The following TC2N variants were observed in gnomAD, a reference collection of about 807,000 sequenced individuals.
TC2N encodes tandem C2 domains nuclear protein.
In TC2N, 51 loss-of-function variants were observed where a neutral mutation model predicts 61.9. The observed-to-expected ratio is 0.82, with a 90% CI of 0.66 to 1.04. TC2N has a LOEUF of 1.04. Among genes scored for constraint, TC2N ranks in the 50% least tolerant of loss-of-function variants. The probability of loss-of-function intolerance (pLI) is 0.00; values close to 1 mark genes in which losing one functional copy is unlikely to be tolerated. For missense variants in TC2N, 556 were observed against 566.7 expected (o/e 0.98, Z 0.19); for synonymous variants, 204 against 192.6 (o/e 1.06, Z -0.49).
chr14:91,862,046 T>A (rs1044960709), intron 1 of TC2N, among the ~76,000 whole-genome samples: 2 of 151,066 alleles, frequency 1.3e-5, no homozygotes, highest in Non-Finnish European at 3.0e-5. Context: ...TGGTCTTAAT[T>A]TAAATTATAG....
chr14:91,811,180 AAGTG>A, intron 3 of TC2N, among the ~76,000 whole-genome samples: 1 of 152,120 alleles, frequency 6.6e-6, no homozygotes, highest in South Asian at 2.1e-4. Flanking sequence ...ATATATGTTT[AAGTG>A]TTTGCAAGGA....
At chr14:91,822,056 G>A (rs923736088) in intron 1 of TC2N, among the ~76,000 whole-genome samples, 1 of 152,158 alleles carries the variant, frequency 6.6e-6, no homozygotes, top group African/African-American at 2.4e-5. Context: ...TGGTGGGACT[G>A]TAAAATGGCA....
intron 1 of TC2N, among the ~76,000 whole-genome samples, chr14:91,817,894 A>T (rs1381702882): frequency 1.3e-5 from 2 of 152,184 alleles, no homozygotes; most frequent in Non-Finnish European, 2.9e-5. Flanking sequence ...AAAGACAGTT[A>T]AAAAACACAT....
At chr14:91,793,598 T>G (rs1223114442) in intron 8 of TC2N, among the ~76,000 whole-genome samples, 1 of 152,194 alleles carries the variant, frequency 6.6e-6, no homozygotes, top group Non-Finnish European at 1.5e-5. Flanking sequence ...TCTGTTACGG[T>G]GACCTGTGAT....
At chr14:91,853,098 C>T (rs1394221241) in intron 1 of TC2N, among the ~76,000 whole-genome samples, 2 of 152,034 alleles carry the variant, frequency 1.3e-5, no homozygotes, top group Non-Finnish European at 2.9e-5. Flanking sequence ...CAAACAACGA[C>T]AACAAAAACA....
At chr14:91,787,234 T>C (rs1478915612) in intron 10 of TC2N, among the ~76,000 whole-genome samples, 1 of 152,092 alleles carries the variant, frequency 6.6e-6, no homozygotes, top group Non-Finnish European at 1.5e-5. Context: ...AAAATATAAC[T>C]GAAAATCCTC....
chr14:91,855,979 G>T (rs1013205509), intron 1 of TC2N, among the ~76,000 whole-genome samples: 3 of 152,040 alleles, frequency 2.0e-5, no homozygotes, highest in African/African-American at 7.2e-5. Context: ...GATCTCAAAG[G>T]CCAGGAAACC....
In TC2N at chr14:91,800,154, T is replaced by C. The variant is rs187593182; in HGVS notation, c.561+127A>G. The C allele has an allele frequency of 7.0e-3, 3,264 of 464,198 alleles. 21 individuals carry two copies. The highest frequency in any genetic ancestry group is 9.8e-3 in the Non-Finnish European group (2,566 of 261,250). 28.8% of individuals were successfully genotyped at this position (464,198 alleles called of 1,614,324 possible). ...CATGGGAAATATCAATTATTTATTC[T>C]TCAGATATCAGAACAGATACATCTA... On this transcript the variant is annotated intron_variant, in intron 5 of 11. Transcript: ENST00000435962.
intron 1 of TC2N, among the ~76,000 whole-genome samples, chr14:91,848,070 C>G (rs1320249808): frequency 6.6e-6 from 1 of 152,204 alleles, no homozygotes; most frequent in African/African-American, 2.4e-5. Context: ...AAGAAGCCAG[C>G]AAACCTCTTA....
At chr14:91,798,958 G>C in intron 6 of TC2N, 31 bp downstream of exon 6, 1 of 1,402,902 alleles carries the variant, frequency 7.1e-7, no homozygotes, top group Admixed American at 1.9e-5. Context: ...ATTATCTTAA[G>C]AGTATAAAAG....
At chr14:91,797,736 T>TAAA in intron 8 of TC2N, 49 bp downstream of exon 8, 11 of 888,794 alleles carry the variant, frequency 1.2e-5, no homozygotes, top group South Asian at 3.4e-5. Flanking sequence ...GTGACAAATA[T>TAAA]AAAAAAAAAA....
At chr14:91,856,974 G>A (rs1414131210) in intron 1 of TC2N, among the ~76,000 whole-genome samples, 1 of 152,200 alleles carries the variant, frequency 6.6e-6, no homozygotes, top group Non-Finnish European at 1.5e-5. Flanking sequence ...AGTTACAACA[G>A]TTTAGGATTG....
intron 1 of TC2N, among the ~76,000 whole-genome samples, chr14:91,817,006 C>G (rs1887035061): frequency 6.6e-6 from 1 of 151,826 alleles, no homozygotes; most frequent in African/African-American, 2.4e-5. Flanking sequence ...CTTGTCTGTT[C>G]TCGAAAATGA....
At chr14:91,805,150 C>T (rs554871387) in intron 3 of TC2N, among the ~76,000 whole-genome samples, 10 of 152,146 alleles carry the variant, frequency 6.6e-5, no homozygotes, top group Admixed American at 5.2e-4. Context: ...CCAAAAAGTT[C>T]CTATGGTCTA....
chr14:91,861,184 A>T (rs565568248), intron 1 of TC2N, among the ~76,000 whole-genome samples: 68 of 152,324 alleles, frequency 4.5e-4, no homozygotes, highest in African/African-American at 1.6e-3. Flanking sequence ...GGATGGAGAG[A>T]CTGGAAATCA....
intron 9 of TC2N, 33 bp from the exon 10 acceptor site, chr14:91,787,660 A>G (rs1181718815): frequency 7.7e-7 from 1 of 1,304,252 alleles, no homozygotes; most frequent in Admixed American, 2.1e-5. Context: ...TTGGTAGTTA[A>G]GAATAAAGTT....
intron 1 of TC2N, among the ~76,000 whole-genome samples, chr14:91,849,777 G>A (rs1264309507): frequency 6.6e-6 from 1 of 152,214 alleles, no homozygotes; most frequent in Non-Finnish European, 1.5e-5. Flanking sequence ...GCCAGGCACA[G>A]TGGCTTACCC....
At chr14:91,840,350 A>G (rs1888141596) in intron 1 of TC2N, among the ~76,000 whole-genome samples, 1 of 152,248 alleles carries the variant, frequency 6.6e-6, no homozygotes, top group Admixed American at 6.5e-5. Context: ...AATGTTTCTC[A>G]TGCTGTAGGC....
chr14:91,806,697 G>C (rs1051079461), intron 3 of TC2N, among the ~76,000 whole-genome samples: 1 of 151,758 alleles, frequency 6.6e-6, no homozygotes, highest in South Asian at 2.1e-4. Flanking sequence ...AGTTTTAAAA[G>C]AGAGCATAAA....
Sources: gnomAD v4.1 joint callset for allele counts (sites outside exome capture counted in the v4.1 genomes callset) on GRCh38, gnomAD v4.1.1 for gene constraint, MANE v1.5 for transcripts, NCBI Gene and HGNC (gene_info 2026-07-23, HGNC 2026-07-21) for gene names.